PTPRM: variants seen among roughly 807,000 people sequenced by gnomAD.
PTPRM encodes the protein receptor-type tyrosine-protein phosphatase mu.
Under a neutral mutation model 186.7 loss-of-function variants are expected in PTPRM, and 47 were observed. That is an observed-to-expected ratio of 0.25 (90% CI 0.20 to 0.32). The LOEUF (loss-of-function observed/expected upper bound fraction) is 0.32, where lower values mean the gene tolerates loss of function less well. Ranked by LOEUF, PTPRM falls within the 10% of genes least tolerant of loss-of-function variation. The pLI is 1.00. For missense variants in PTPRM, 1,494 were observed against 1,865.0 expected (o/e 0.80, Z 3.66); for synonymous variants, 668 against 674.9 (o/e 0.99, Z 0.16).
intron 2 of PTPRM, among the ~76,000 whole-genome samples, chr18:7,823,501 C>CCT (rs1313247261): frequency 3.9e-5 from 6 of 152,146 alleles, no homozygotes; most frequent in Non-Finnish European, 7.4e-5. Context: ...GAGGGTGCTG[C>CCT]CAAAGGAGAT....
chr18:7,586,633 A>G (rs2036987086), intron 1 of PTPRM, among the ~76,000 whole-genome samples: 1 of 152,190 alleles, frequency 6.6e-6, no homozygotes, highest in Non-Finnish European at 1.5e-5. Context: ...AAAAGCCTGT[A>G]TATTCAATAA....
Position 8,069,964 on chromosome 18 carries a change from C to G in PTPRM, c.1411C>G (p.Gln471Glu). The change falls in exon 8 of 33, where the codon CAA (glutamine) becomes GAA (glutamate). Residue 471 changes from glutamine to glutamate, a missense_variant. By Grantham distance (29) the Gln-to-Glu change is conservative (BLOSUM62 2). Around this residue, in one of 3 missense-constraint regions of PTPRM, gnomAD observed 1,107 missense variants for 1,350.2 expected, o/e 0.82. Coordinates refer to ENST00000580170, the MANE Select transcript of PTPRM (RefSeq NM_001105244.2). ...LMNPEGRKES[Q>E]ELIVQTDEDL... is the part of the protein sequence containing the mutation. ...GAACCCAGAGGGCCGGAAGGAAAGCCAAGAACTCATAGTGCAGACAGATGA... is the reference window on the plus strand; with the variant it reads ...GAACCCAGAGGGCCGGAAGGAAAGCGAAGAACTCATAGTGCAGACAGATGA... 6.2e-7 allele frequency: 1 copy of G among 1,613,898 alleles called. No homozygotes were observed. The highest frequency in any genetic ancestry group is 1.3e-5 in the African/African-American group (1 of 75,030).
chr18:7,867,449 A>G (rs373993844), intron 2 of PTPRM, among the ~76,000 whole-genome samples: 2 of 152,152 alleles, frequency 1.3e-5, no homozygotes, highest in East Asian at 3.9e-4. Flanking sequence ...TTTCTCCTTC[A>G]CTTATGAAGC....
chr18:7,896,159 CAGGT>C (rs1431613771), intron 3 of PTPRM, among the ~76,000 whole-genome samples: 1 of 152,144 alleles, frequency 6.6e-6, no homozygotes, highest in African/African-American at 2.4e-5. Context: ...TGGGGAAGGG[CAGGT>C]ACCTGCCATC....
At chr18:7,764,625 C>CAG (rs1243297181) in intron 1 of PTPRM, among the ~76,000 whole-genome samples, 2 of 152,336 alleles carry the variant, frequency 1.3e-5, no homozygotes, top group East Asian at 3.9e-4. Context: ...GCCCAACCCC[C>CAG]AGAGGTTCTG....
At chr18:7,579,513 G>A (rs768190419) in intron 1 of PTPRM, among the ~76,000 whole-genome samples, 4 of 152,200 alleles carry the variant, frequency 2.6e-5, no homozygotes, top group Admixed American at 2.6e-4. Flanking sequence ...ATAAAGCAGA[G>A]GCTTTTCAGC....
At chr18:7,623,004 T>C (rs2037977047) in intron 1 of PTPRM, among the ~76,000 whole-genome samples, 1 of 152,276 alleles carries the variant, frequency 6.6e-6, no homozygotes, top group Admixed American at 6.5e-5. Flanking sequence ...CCATTTCTGA[T>C]TTTTCTGTGA....
At chr18:7,765,040 T>C (rs555940816) in intron 1 of PTPRM, among the ~76,000 whole-genome samples, 14 of 152,280 alleles carry the variant, frequency 9.2e-5, no homozygotes, top group Non-Finnish European at 1.3e-4. Flanking sequence ...TGTGGAAAAA[T>C]TGAGATAGTC....
In PTPRM at chr18:8,110,333, A is replaced by T. The variant is rs146067645; in HGVS notation, c.1857-3153A>T. On this transcript the variant is annotated intron_variant, in intron 11 of 32. Coordinates refer to ENST00000580170, the MANE Select transcript of PTPRM (RefSeq NM_001105244.2). ...CATGAAAATGAGGGAACAGACTATAAGCCCTTGAGAGAGACTCATTGAGGG... is the reference window on the plus strand; with the variant it reads ...CATGAAAATGAGGGAACAGACTATATGCCCTTGAGAGAGACTCATTGAGGG... Among the ~76,000 whole-genome samples, 269 of 152,328 alleles carry T rather than the reference A, an allele frequency of 1.8e-3. 3 individuals are homozygous for T. The highest frequency in any genetic ancestry group is 6.2e-3 in the African/African-American group (259 of 41,574).
intron 14 of PTPRM, among the ~76,000 whole-genome samples, chr18:8,242,497 G>A (rs765138567): frequency 2.6e-5 from 4 of 152,174 alleles, no homozygotes; most frequent in Non-Finnish European, 4.4e-5. Flanking sequence ...TAGAAGGGAT[G>A]ATCATGATCC....
At chr18:8,197,722 A>G (rs1301387043) in intron 14 of PTPRM, among the ~76,000 whole-genome samples, 2 of 152,242 alleles carry the variant, frequency 1.3e-5, no homozygotes, top group East Asian at 3.8e-4. Flanking sequence ...ACCACACACA[A>G]AAAGCCTTAC....
In PTPRM at chr18:7,568,732, C is replaced by T. The variant is rs905572460; in HGVS notation, c.73+841C>T. On this transcript the variant is annotated intron_variant, in intron 1 of 32. Coordinates refer to ENST00000580170, the MANE Select transcript of PTPRM (RefSeq NM_001105244.2). This position sits in a 1 kb window ranked among gnomAD's most constrained non-coding sequence, Gnocchi z 5.1. Reference sequence around the variant, plus strand: ...CGTGTGAGTGTGTGCGCGTGTGTGCCTGCACGCGCGCGCGGGGGCGTTCTA... The same window carrying T: ...CGTGTGAGTGTGTGCGCGTGTGTGCTTGCACGCGCGCGCGGGGGCGTTCTA... 3.9e-5 allele frequency among the ~76,000 whole-genome samples: 6 copies of T among 152,136 alleles called. No individual in the cohort carries two copies. Among genetic ancestry groups the T allele is most frequent in the Non-Finnish European group, 8.8e-5 (6 of 68,022 alleles).
chr18:7,923,028 T>A (rs1160279926), intron 4 of PTPRM, among the ~76,000 whole-genome samples: 1 of 152,168 alleles, frequency 6.6e-6, no homozygotes, highest in African/African-American at 2.4e-5. Flanking sequence ...TGGGTGCCAA[T>A]AGCACTGCCT....
At chr18:7,778,605 G>A (rs747176330) in intron 2 of PTPRM, among the ~76,000 whole-genome samples, 14 of 151,950 alleles carry the variant, frequency 9.2e-5, no homozygotes, top group African/African-American at 4.8e-5. Context: ...TCAGCCTCCC[G>A]AGTAGCTGGG....
intron 1 of PTPRM, among the ~76,000 whole-genome samples, chr18:7,575,790 A>C (rs1441111965): frequency 2.6e-5 from 4 of 152,160 alleles, no homozygotes. Context: ...CTTCTACAGC[A>C]CTGAGGGTTT....
intron 11 of PTPRM, among the ~76,000 whole-genome samples, chr18:8,092,238 A>G (rs979308254): frequency 6.6e-5 from 10 of 152,158 alleles, no homozygotes; most frequent in African/African-American, 1.7e-4. Context: ...TTATTGATCA[A>G]CACATCAGCT....
intron 19 of PTPRM, among the ~76,000 whole-genome samples, chr18:8,276,318 T>C (rs970466314): frequency 7.2e-5 from 11 of 152,170 alleles, no homozygotes; most frequent in Non-Finnish European, 1.6e-4. Context: ...GTAGGAGGCC[T>C]TCAGTTCTTT....
chr18:8,305,243 G>GA (rs2095209109), intron 20 of PTPRM, among the ~76,000 whole-genome samples: 2 of 151,982 alleles, frequency 1.3e-5, no homozygotes, highest in African/African-American at 4.8e-5. Context: ...GTGGTGTTAG[G>GA]AAAAAAACGT....
chr18:7,602,086 C>T (rs190523106), intron 1 of PTPRM, among the ~76,000 whole-genome samples: 127 of 152,290 alleles, frequency 8.3e-4, no homozygotes, highest in Non-Finnish European at 1.5e-3. Flanking sequence ...TAACTTGCTA[C>T]GGTCTGCTTA....
Sources: allele counts gnomAD v4.1 joint callset (sites outside exome capture counted in the v4.1 genomes callset), GRCh38; gene constraint gnomAD v4.1.1; regional missense constraint gnomAD v4.1.1; non-coding constraint Gnocchi (gnomAD v3.1); transcripts MANE v1.5; gene names NCBI Gene and HGNC (gene_info 2026-07-23, HGNC 2026-07-21).